The following CORO2B variants were observed in gnomAD, a reference collection of about 807,000 sequenced individuals.
CORO2B encodes the protein coronin-2B.
CORO2B carries 26 observed loss-of-function variants against 58.8 expected under a neutral mutation model. The ratio of observed to expected loss-of-function variants is 0.44; its 90% CI spans 0.32 to 0.61. The LOEUF (loss-of-function observed/expected upper bound fraction) is 0.61. CORO2B is among the 20% of genes least tolerant of loss of function. The pLI, the probability that CORO2B is intolerant of heterozygous loss-of-function variation, is 0.04. For synonymous variants in CORO2B, 242 were observed against 253.8 expected, an observed-to-expected ratio of 0.95 and a Z score of 0.44; for missense variants, 460 against 645.1, an observed-to-expected ratio of 0.71 and a Z score of 3.11.
intron 2 of CORO2B, among the ~76,000 whole-genome samples, chr15:68,648,826 C>T (rs1005403313): frequency 6.6e-6 from 1 of 152,134 alleles, no homozygotes; most frequent in African/African-American, 2.4e-5. Flanking sequence ...ATACACTCTT[C>T]GTAAGACGTA....
chr15:68,542,832 A>G, the CORO2B span, among the ~76,000 whole-genome samples: 679 of 152,356 alleles, frequency 4.5e-3, 6 homozygotes, highest in African/African-American at 0.015. Flanking sequence ...GCCTGGAAGG[A>G]GGGAGATGGG....
chr15:68,540,397 G>A, the CORO2B span, among the ~76,000 whole-genome samples: 2 of 152,218 alleles, frequency 1.3e-5, no homozygotes, highest in African/African-American at 4.8e-5. Context: ...ATAATTGGCA[G>A]CAATGATTGT....
chr15:68,713,816 G>C, intron 5 of CORO2B, 109 bp from the exon 6 acceptor site: 2 of 693,700 alleles, frequency 2.9e-6, no homozygotes, highest in Non-Finnish European at 5.1e-6. Context: ...AATAATTGCA[G>C]GGGCCAGGGC....
intron 2 of CORO2B, among the ~76,000 whole-genome samples, chr15:68,664,741 T>G (rs1902134578): frequency 6.6e-6 from 1 of 152,184 alleles, no homozygotes; most frequent in African/African-American, 2.4e-5. Flanking sequence ...TTTGTCAGAG[T>G]AGTTTCAATT....
At chr15:68,545,131 A>C in the CORO2B span, among the ~76,000 whole-genome samples, 2 of 152,252 alleles carry the variant, frequency 1.3e-5, no homozygotes, top group African/African-American at 2.4e-5. Flanking sequence ...CATGCCCCAC[A>C]TGAAGGCTGC....
chr15:68,519,983 A>T, the CORO2B span, among the ~76,000 whole-genome samples: 1 of 152,242 alleles, frequency 6.6e-6, no homozygotes, highest in African/African-American at 2.4e-5. Flanking sequence ...TTATCATAGC[A>T]TTCAATCCAA....
chr15:68,669,854 C>T (rs548137276), intron 2 of CORO2B, among the ~76,000 whole-genome samples: 29 of 152,130 alleles, frequency 1.9e-4, no homozygotes, highest in African/African-American at 6.5e-4. Context: ...GTCAGGACTT[C>T]GAGACCAGCC....
At chr15:68,551,897 C>T in the CORO2B span, among the ~76,000 whole-genome samples, 3 of 151,428 alleles carry the variant, frequency 2.0e-5, no homozygotes. Flanking sequence ...GGCCCAGAAC[C>T]GATGGCCCAC....
At chr15:68,548,170 T>TAA in the CORO2B span, among the ~76,000 whole-genome samples, 607 of 94,456 alleles carry the variant, frequency 6.4e-3, 5 homozygotes, top group African/African-American at 0.015. Flanking sequence ...GATTCCATCT[T>TAA]AAAAATATAT....
At chr15:68,520,304 C>A in the CORO2B span, among the ~76,000 whole-genome samples, 1 of 152,190 alleles carries the variant, frequency 6.6e-6, no homozygotes, top group African/African-American at 2.4e-5. Flanking sequence ...TTACATTGTT[C>A]AGATCTATAT....
intron 2 of CORO2B, among the ~76,000 whole-genome samples, chr15:68,676,232 T>A (rs1902581841): frequency 6.6e-6 from 1 of 152,226 alleles, no homozygotes; most frequent in Non-Finnish European, 1.5e-5. Context: ...GTTTAGCGTG[T>A]GTGTGCTGGC....
intron 1 of CORO2B, among the ~76,000 whole-genome samples, chr15:68,605,702 G>A (rs1019819196): frequency 2.0e-5 from 3 of 150,352 alleles, no homozygotes; most frequent in Admixed American, 2.0e-4. Flanking sequence ...AGTCACAGAG[G>A]GCTCTTGGGT....
intron 1 of CORO2B, among the ~76,000 whole-genome samples, chr15:68,594,215 C>T (rs750303477): frequency 6.6e-6 from 1 of 152,244 alleles, no homozygotes; most frequent in Non-Finnish European, 1.5e-5. Flanking sequence ...GAAGGCTCTG[C>T]ACCCTCTTCC....
At chr15:68,694,278 A>G (rs1892457317) in intron 2 of CORO2B, among the ~76,000 whole-genome samples, 1 of 152,198 alleles carries the variant, frequency 6.6e-6, no homozygotes, top group South Asian at 2.1e-4. Context: ...TATATTGAGC[A>G]TTTACTGATA....
the CORO2B span, among the ~76,000 whole-genome samples, chr15:68,570,116 A>G: frequency 9.8e-5 from 15 of 152,346 alleles, no homozygotes; most frequent in African/African-American, 3.6e-4. Flanking sequence ...TTCTCTTGCC[A>G]TATGTAGATG....
At chr15:68,674,583 C>A (rs1373076105) in intron 2 of CORO2B, among the ~76,000 whole-genome samples, 1 of 152,176 alleles carries the variant, frequency 6.6e-6, no homozygotes, top group East Asian at 1.9e-4. Flanking sequence ...AAGCAAGTGC[C>A]CTCCCCAAAC....
rs1159743832 is a variant in CORO2B at position 68,645,126 on chromosome 15, C to A, written c.16-34C>A. The A allele has an allele frequency of 1.9e-6, 3 of 1,607,180 alleles. No homozygotes were observed. Among genetic ancestry groups the A allele is most frequent in the Non-Finnish European group, 2.6e-6 (3 of 1,176,226 alleles). ...CCGAGGCCCTTCATGGCACAGGGCC[C>A]AGCCTGACCCTTGTCTCTCCTGGCC... On this transcript the variant is annotated intron_variant, in intron 1 of 11. Coordinates refer to ENST00000261861, the MANE Select transcript of CORO2B (RefSeq NM_006091.5). The surrounding 1 kb of genome is among the most constrained non-coding windows in gnomAD (Gnocchi z 4.5).
At chr15:68,658,188 CTG>C (rs563790158) in intron 2 of CORO2B, among the ~76,000 whole-genome samples, 221 of 152,370 alleles carry the variant, frequency 1.5e-3, no homozygotes, top group Non-Finnish European at 1.8e-3. Flanking sequence ...TTCTGAAACT[CTG>C]TGCTTCTCCT....
At position 68,645,447 on chromosome 15, in the gene CORO2B, T is replaced by A. The variant is rs1595986671; in HGVS notation, c.216+87T>A. 7.9e-7 allele frequency: 1 copy of A among 1,259,262 alleles called. No homozygotes were observed. The highest frequency in any genetic ancestry group is 2.4e-5 in the East Asian group (1 of 41,706). The allele number at this position is 1,259,262 out of a possible 1,614,324, so 78.0% of individuals were successfully genotyped here. ...CTCTCTTAGGCCTGTTGACCCTACT[T>A]CTCTCTGAGTTCCCACCTTTTACTT... is the stretch of plus-strand genomic sequence containing the variant. On this transcript the variant is annotated intron_variant, in intron 2 of 11. Coordinates refer to ENST00000261861, the MANE Select transcript of CORO2B (RefSeq NM_006091.5). The surrounding 1 kb of genome is among the most constrained non-coding windows in gnomAD (Gnocchi z 4.5).
Sources: gnomAD v4.1 joint callset for allele counts (sites outside exome capture counted in the v4.1 genomes callset) on GRCh38, gnomAD v4.1.1 for gene constraint, Gnocchi (gnomAD v3.1) non-coding constraint, MANE v1.5 for transcripts, NCBI Gene and HGNC (gene_info 2026-07-23, HGNC 2026-07-21) for gene names.